Variants in RUNX3 observed in about 807,000 individuals in gnomAD.
RUNX3 encodes runt-related transcription factor 3.
In RUNX3, 10 loss-of-function variants were observed where a neutral mutation model predicts 27.7. The ratio of observed to expected loss-of-function variants is 0.36; its 90% CI spans 0.22 to 0.61. The LOEUF is 0.61. Among genes scored for constraint, RUNX3 ranks in the 20% least tolerant of loss-of-function variants. The pLI is 0.72. For missense variants in RUNX3, 469 were observed against 629.5 expected, an observed-to-expected ratio of 0.75 and a Z score of 2.73; for synonymous variants, 270 against 269.2, an observed-to-expected ratio of 1.00 and a Z score of -0.03.
Position 24,962,678 on chromosome 1 carries a change from T to C in RUNX3, c.58+1836A>G, listed in dbSNP as rs1207356478. On this transcript the variant is annotated intron_variant, in intron 2 of 6. Coordinates refer to the RUNX3 transcript ENST00000338888. The surrounding 1 kb of genome is among the most constrained non-coding windows in gnomAD (Gnocchi z 4.5). ...ACAGACCCTAGCCTATGAGGCGCCTTCTGTGCCACTGCTGGCCAGGATCAG... is the reference window on the plus strand; with the variant it reads ...ACAGACCCTAGCCTATGAGGCGCCTCCTGTGCCACTGCTGGCCAGGATCAG... Among the ~76,000 whole-genome samples the C allele has an allele frequency of 6.6e-6, 1 of 152,176 alleles. No individual in the cohort carries two copies. Among genetic ancestry groups the C allele is most frequent in the East Asian group, 1.9e-4 (1 of 5,192 alleles).
At chr1:24,948,057 T>TG (rs1216139472) in intron 2 of RUNX3, among the ~76,000 whole-genome samples, 1 of 152,240 alleles carries the variant, frequency 6.6e-6, no homozygotes, top group African/African-American at 2.4e-5. Context: ...CCTTCTGAGC[T>TG]GGGGCCCTGA....
chr1:24,936,703 C>A (rs989616048), intron 2 of RUNX3, among the ~76,000 whole-genome samples: 1 of 152,232 alleles, frequency 6.6e-6, no homozygotes, highest in African/African-American at 2.4e-5. Context: ...CACTGCCCAC[C>A]CAGCAGCTTC....
At chr1:24,928,092 A>G (rs1397642897) in intron 1 of RUNX3, among the ~76,000 whole-genome samples, 1 of 152,218 alleles carries the variant, frequency 6.6e-6, no homozygotes. Context: ...AGAGGAATCA[A>G]CATGCTCCTA....
intron 3 of RUNX3, among the ~76,000 whole-genome samples, chr1:24,917,804 C>A (rs1177530454): frequency 6.6e-6 from 1 of 152,188 alleles, no homozygotes; most frequent in Non-Finnish European, 1.5e-5. Flanking sequence ...CTCTCTACAC[C>A]ATGGTGGTCT....
exon 2 of RUNX3, chr1:24,964,609 AG>A: frequency 6.3e-7 from 1 of 1,583,000 alleles, no homozygotes; most frequent in Non-Finnish European, 8.6e-7. Flanking sequence ...TCAGCCCTTC[AG>A]GGGGTTGGGT....
At chr1:24,941,594 T>G (rs1358244166) in intron 2 of RUNX3, among the ~76,000 whole-genome samples, 1 of 152,198 alleles carries the variant, frequency 6.6e-6, no homozygotes, top group Admixed American at 6.5e-5. Context: ...TCCCAGATTG[T>G]GTTTCCTGGC....
rs1367192377 is a variant in RUNX3 at position 24,929,881 on chromosome 1, C to T, written c.-13G>A. 3.9e-6 allele frequency: 5 copies of T among 1,276,854 alleles called. No homozygotes were observed. The highest frequency in any genetic ancestry group is 4.9e-6 in the Non-Finnish European group (5 of 1,014,842). 79.1% of individuals were successfully genotyped at this position (1,276,854 alleles called of 1,614,324 possible). A position where few individuals can be genotyped will look rare whatever the true frequency, so the allele number is the denominator to read the frequency against. ...CGGGAATACGCATAACAGCGGCCGT[C>T]AGGGCGCCGGGCAGGCGGAGACGGC... On this transcript the variant is annotated 5_prime_UTR_variant, in exon 1 of 5. Coordinates refer to ENST00000308873, the MANE Select transcript of RUNX3 (RefSeq NM_004350.3).
rs549171772 is a variant in RUNX3 at position 24,921,895 on chromosome 1, G to A, written c.440-2551C>T. Among the ~76,000 whole-genome samples the A allele has an allele frequency of 1.6e-4, 24 of 152,320 alleles. No homozygotes were observed. In the East Asian group the frequency reaches 2.7e-3, roughly 17 times the overall value. ...GCTTACTAAAACCCTCCTTCAGGTC[G>A]CCCACCTTCTCAGTCAGGCCTTCCC... On this transcript the variant is annotated intron_variant, in intron 2 of 4. Transcript: ENST00000308873.
intron 2 of RUNX3, among the ~76,000 whole-genome samples, chr1:24,937,737 A>C (rs1252660679): frequency 6.6e-6 from 1 of 152,262 alleles, no homozygotes; most frequent in Non-Finnish European, 1.5e-5. Context: ...AGAGAAGTGA[A>C]GGTTCTCAAG....
chr1:24,957,437 A>T (rs1641969344), intron 2 of RUNX3, among the ~76,000 whole-genome samples: 1 of 152,064 alleles, frequency 6.6e-6, no homozygotes, highest in African/African-American at 2.4e-5. Flanking sequence ...ATCACCTGTG[A>T]GCCTGCCCCT....
chr1:24,948,836 T>C (rs901744778), intron 2 of RUNX3, among the ~76,000 whole-genome samples: 47 of 152,136 alleles, frequency 3.1e-4, no homozygotes, highest in African/African-American at 1.1e-3. Flanking sequence ...TCTGGGAAGC[T>C]GGGACCCCAG....
intron 2 of RUNX3, among the ~76,000 whole-genome samples, chr1:24,949,906 C>T (rs770809288): frequency 3.1e-4 from 47 of 152,326 alleles, no homozygotes; most frequent in African/African-American, 1.1e-3. Flanking sequence ...TACCTGTGGG[C>T]GGGGCTTCCA....
Position 24,927,109 on chromosome 1 carries a change from G to A in RUNX3, c.439+465C>T, listed in dbSNP as rs146207818. ...AGGCGCTGGGAAACTGGGTCTGGGAGACCACAGCTGGAGAGACAGCCTCAG... is the reference window on the plus strand; with the variant it reads ...AGGCGCTGGGAAACTGGGTCTGGGAAACCACAGCTGGAGAGACAGCCTCAG... On this transcript the variant is annotated intron_variant, in intron 2 of 4. Coordinates refer to ENST00000308873, the MANE Select transcript of RUNX3 (RefSeq NM_004350.3). This position sits in a 1 kb window ranked among gnomAD's most constrained non-coding sequence, Gnocchi z 5.0. 2.6e-5 allele frequency among the ~76,000 whole-genome samples: 4 copies of A among 152,322 alleles called. No individual in the cohort carries two copies. The East Asian group carries it at 7.7e-4, about 29-fold the overall frequency.
At chr1:24,921,494 G>T (rs976510710) in intron 2 of RUNX3, among the ~76,000 whole-genome samples, 19 of 152,168 alleles carry the variant, frequency 1.2e-4, no homozygotes, top group African/African-American at 4.6e-4. Context: ...CTTGCCCCCG[G>T]AGCCCCAGGT....
chr1:24,937,244 C>G (rs1411606887), intron 2 of RUNX3, among the ~76,000 whole-genome samples: 1 of 152,200 alleles, frequency 6.6e-6, no homozygotes, highest in Admixed American at 6.5e-5. Context: ...TCGCACAGGG[C>G]CCTGGTCTCA....
chr1:24,924,270 A>T (rs1226187424), intron 2 of RUNX3, among the ~76,000 whole-genome samples: 3 of 152,254 alleles, frequency 2.0e-5, no homozygotes, highest in African/African-American at 7.2e-5. Context: ...CCAGCTATTG[A>T]GGTGGGAGGA....
At chr1:24,960,183 A>T (rs2124386948) in intron 2 of RUNX3, among the ~76,000 whole-genome samples, 1 of 152,282 alleles carries the variant, frequency 6.6e-6, no homozygotes, top group South Asian at 2.1e-4. Flanking sequence ...AGCTCTTAGG[A>T]TGGAGATCCT....
chr1:24,902,037 C>T lies in RUNX3; in HGVS notation c.*85G>A, dbSNP rs1311644126. 1.5e-5 allele frequency: 20 copies of T among 1,321,406 alleles called. No individual in the cohort carries two copies. Among genetic ancestry groups the T allele is most frequent in the East Asian group, 1.0e-4 (4 of 39,464 alleles). 81.9% of individuals were successfully genotyped at this position (1,321,406 alleles called of 1,614,324 possible). ...CACCCTGGAGCGCAGGTCCCATTCCCGCCCGGAGCCTCGGAGCCGGCCCAT... is the reference window on the plus strand; with the variant it reads ...CACCCTGGAGCGCAGGTCCCATTCCTGCCCGGAGCCTCGGAGCCGGCCCAT... On this transcript the variant is annotated 3_prime_UTR_variant, in exon 5 of 5. Coordinates refer to ENST00000308873, the MANE Select transcript of RUNX3 (RefSeq NM_004350.3). This position sits in a 1 kb window ranked among gnomAD's most constrained non-coding sequence, Gnocchi z 9.2.
rs1042738334 is a variant in RUNX3, at chr1:24,916,873, C to T, written c.544+2367G>A. Among the ~76,000 whole-genome samples, 7 of 152,208 alleles carry T rather than the reference C, an allele frequency of 4.6e-5. No homozygotes were observed. The highest frequency in any genetic ancestry group is 8.8e-5 in the Non-Finnish European group (6 of 68,038). ...TTCTGACGCCGTGGGTCTCCAGGCCCAGCCTCTGTCCCTCCCTCTTGTTGC... is the reference window on the plus strand; with the variant it reads ...TTCTGACGCCGTGGGTCTCCAGGCCTAGCCTCTGTCCCTCCCTCTTGTTGC... On this transcript the variant is annotated intron_variant, in intron 3 of 4. Coordinates refer to ENST00000308873, the MANE Select transcript of RUNX3 (RefSeq NM_004350.3). The surrounding 1 kb of genome is among the most constrained non-coding windows in gnomAD (Gnocchi z 4.8).
Sources: gnomAD v4.1 joint callset for allele counts (sites outside exome capture counted in the v4.1 genomes callset) on GRCh38, gnomAD v4.1.1 for gene constraint, Gnocchi (gnomAD v3.1) non-coding constraint, MANE v1.5 for transcripts, NCBI Gene and HGNC (gene_info 2026-07-23, HGNC 2026-07-21) for gene names.